The following CIP2A variants were observed in gnomAD, a reference collection of about 807,000 sequenced individuals.
CIP2A encodes protein CIP2A.
CIP2A carries 103 observed loss-of-function variants against 110.9 expected under a neutral mutation model. That is an observed-to-expected ratio of 0.93 (90% confidence interval 0.79 to 1.09). CIP2A has a LOEUF of 1.09. CIP2A is among the 50% of genes least tolerant of loss of function. The pLI is 0.00. For synonymous variants in CIP2A, 381 were observed against 361.6 expected (o/e 1.05, Z -0.61); for missense variants, 1,088 against 1,038.4 (o/e 1.05, Z -0.66).
In CIP2A at chr3:108,560,820, T is replaced by C. The variant is rs757644791; in HGVS notation, c.1656A>G (p.Ala552=). ...PALVLGESIA[A]NNAYRQQETE... is the part of the protein sequence containing the mutation. ...TTTCCTGTTGTCTATAGGCATTGTT[T>C]GCTGCTATACTTTCTCCAAGTCTGA... is the stretch of plus-strand genomic sequence containing the variant. The change falls in exon 14 of 21, where the codon GCA becomes GCG. Residue 552 remains alanine, a synonymous_variant. Transcript: ENST00000295746. The C allele has an allele frequency of 6.2e-7, 1 of 1,603,968 alleles. No individual in the cohort carries two copies. Among genetic ancestry groups the C allele is most frequent in the Non-Finnish European group, 8.5e-7 (1 of 1,175,870 alleles).
At chr3:108,576,957 T>C (rs1010373957) in intron 7 of CIP2A, among the ~76,000 whole-genome samples, 1 of 152,126 alleles carries the variant, frequency 6.6e-6, no homozygotes, top group African/African-American at 2.4e-5. Context: ...AATGCTATAA[T>C]GGAGGAATGT....
In CIP2A at chr3:108,566,498, A is replaced by C; in HGVS notation, c.1414T>G (p.Cys472Gly). The stretch of plus-strand genomic sequence containing the variant: ...TGTCATTAGAGTTTATATACTCACC[A>C]TAATTCAGAATCTGCAACCTTTGTT... Reference protein sequence around the residue: ...FGTKVADSELCKLAADVILKT... With the variant: ...FGTKVADSELGKLAADVILKT... The change falls in exon 11 of 21, where the codon TGC becomes GGC. Residue 472 changes from cysteine (C) to glycine (G), a missense_variant and splice_region_variant. Coordinates refer to ENST00000295746, the MANE Select transcript of CIP2A (RefSeq NM_020890.3). 1 of 1,606,356 alleles carries C rather than the reference A, an allele frequency of 6.2e-7. No homozygotes were observed. Among genetic ancestry groups the C allele is most frequent in the Non-Finnish European group, 8.5e-7 (1 of 1,176,344 alleles).
At chr3:108,577,099 T>C (rs1378441645) in intron 7 of CIP2A, among the ~76,000 whole-genome samples, 1 of 152,086 alleles carries the variant, frequency 6.6e-6, no homozygotes, top group Non-Finnish European at 1.5e-5. Flanking sequence ...CTAGAGGAAA[T>C]AGCACATGGA....
At position 108,579,595 on chromosome 3, in the gene CIP2A, A is replaced by G; in HGVS notation, c.643T>C (p.Leu215=). Residue 215 remains leucine (L), a synonymous_variant, in exon 6 of 21, where the codon TTG becomes CTG. Transcript: ENST00000295746. ...VVFALSILSS[L]TLNEEVGEKL... ...TCCCCCACCTCTTCATTTAATGTCA[A>G]ACTGGATAATATTGAAAGTGCAAAC... The G allele has an allele frequency of 6.3e-7, 1 of 1,597,738 alleles. No homozygotes were observed. Among genetic ancestry groups the G allele is most frequent in the Non-Finnish European group, 8.6e-7 (1 of 1,169,456 alleles).
rs1938181648 is a variant in CIP2A, at chr3:108,566,388, T to C, written c.1415+109A>G. The stretch of plus-strand genomic sequence containing the variant: ...TTATGAAAATATGTTTGTTAATCTG[T>C]TATATCTTAAGTTATAACCAAAGGA... On this transcript the variant is annotated intron_variant, in intron 11 of 20. Transcript: ENST00000295746. 4 of 789,096 alleles carry C rather than the reference T, an allele frequency of 5.1e-6. No individual in the cohort carries two copies. In the South Asian group the frequency reaches 7.5e-5, roughly 15 times the overall value. 48.9% of individuals were successfully genotyped at this position (789,096 alleles called of 1,614,324 possible).
chr3:108,578,283 G>T (rs1187938061), intron 7 of CIP2A, among the ~76,000 whole-genome samples: 1 of 152,136 alleles, frequency 6.6e-6, no homozygotes, highest in Admixed American at 6.6e-5. Flanking sequence ...AGCACTATCT[G>T]GTGGGTAGAA....
intron 13 of CIP2A, among the ~76,000 whole-genome samples, chr3:108,561,333 T>A (rs1937999413): frequency 6.6e-6 from 1 of 152,050 alleles, no homozygotes; most frequent in Non-Finnish European, 1.5e-5. Flanking sequence ...AAACAAAATA[T>A]TTTTTTCACT....
chr3:108,553,812 G>T (rs1937676494), intron 18 of CIP2A, 82 bp from the exon 19 acceptor site: 2 of 1,147,476 alleles, frequency 1.7e-6, no homozygotes, highest in Non-Finnish European at 2.4e-6. Flanking sequence ...AAGCACTTTG[G>T]GAGGCCAAGG....
Position 108,582,210 on chromosome 3 carries a change from T to A in CIP2A, c.358-8A>T. The A allele has an allele frequency of 8.6e-7, 1 of 1,165,154 alleles. No individual in the cohort carries two copies. Among genetic ancestry groups the A allele is most frequent in the Non-Finnish European group, 1.2e-6 (1 of 804,878 alleles). The allele number at this position is 1,165,154 out of a possible 1,614,324, so 72.2% of individuals were successfully genotyped here. On this transcript the variant is annotated splice_region_variant and splice_polypyrimidine_tract_variant and intron_variant, in intron 3 of 20. Coordinates refer to ENST00000295746, the MANE Select transcript of CIP2A (RefSeq NM_020890.3). ...CTGTAGAAGTTGAATGCACTGAGAA[T>A]AAGAAAATAGTTATAAATATAAAGA...
intron 7 of CIP2A, among the ~76,000 whole-genome samples, chr3:108,577,381 G>T (rs1376087129): frequency 2.6e-5 from 4 of 152,162 alleles, no homozygotes; most frequent in Non-Finnish European, 5.9e-5. Context: ...AGGAGCAACT[G>T]CTTCAGAAAA....
intron 7 of CIP2A, among the ~76,000 whole-genome samples, chr3:108,577,359 C>T (rs1373876382): frequency 1.3e-5 from 2 of 151,960 alleles, no homozygotes; most frequent in East Asian, 1.9e-4. Flanking sequence ...GAATAGGAGG[C>T]CCCGAAGAGA....
chr3:108,575,710 T>A (rs1230419391), intron 8 of CIP2A, among the ~76,000 whole-genome samples: 4 of 42,474 alleles, frequency 9.4e-5, no homozygotes, highest in African/African-American at 4.1e-4. Flanking sequence ...GTATATATAC[T>A]CATATACATG....
chr3:108,582,349 C>G (rs1938911545), intron 3 of CIP2A, 147 bp from the exon 4 acceptor site: 1 of 415,524 alleles, frequency 2.4e-6, no homozygotes, highest in African/African-American at 2.1e-5. Flanking sequence ...ATGTAAGAAC[C>G]TTAGGGCTCT....
chr3:108,553,622 A>G (rs1229798851), intron 19 of CIP2A, 26 bp downstream of exon 19: 21 of 1,535,348 alleles, frequency 1.4e-5, no homozygotes, highest in Non-Finnish European at 1.8e-5. Context: ...AAAAATAGAA[A>G]ATGTATTAAA....
Position 108,549,993 on chromosome 3 carries a change from T to G in CIP2A, c.*1156A>C, listed in dbSNP as rs969406597. The G allele has an allele frequency of 1.4e-4, 22 of 152,020 alleles. No homozygotes were observed. The highest frequency in any genetic ancestry group is 2.7e-4 in the Non-Finnish European group (18 of 67,912). 9.4% of individuals were successfully genotyped at this position (152,020 alleles called of 1,614,324 possible). On this transcript the variant is annotated 3_prime_UTR_variant, in exon 21 of 21. Coordinates refer to ENST00000295746, the MANE Select transcript of CIP2A (RefSeq NM_020890.3). ...CTCCTCTATAGAACAAATAGTAATT[T>G]AAAATGTTTTACTCTGCATAATATT...
intron 1 of CIP2A, among the ~76,000 whole-genome samples, chr3:108,587,900 G>A (rs1939121931): frequency 6.6e-6 from 1 of 152,034 alleles, no homozygotes; most frequent in Non-Finnish European, 1.5e-5. Context: ...TCCAGCCTCA[G>A]CCTCCCGAGT....
chr3:108,572,283 A>G (rs899141520), intron 8 of CIP2A, among the ~76,000 whole-genome samples: 5 of 151,954 alleles, frequency 3.3e-5, no homozygotes, highest in African/African-American at 1.2e-4. Context: ...GGCCATGAAG[A>G]TACTCTTTAG....
chr3:108,565,330 C>A, intron 12 of CIP2A, 25 bp downstream of exon 12: 4 of 1,163,982 alleles, frequency 3.4e-6, no homozygotes, highest in Non-Finnish European at 5.0e-6. Flanking sequence ...GAATAAACTT[C>A]AATGTTTGAA....
rs750745831 is a variant in CIP2A at position 108,563,207 on chromosome 3, G to A, written c.1553C>T (p.Thr518Met). ...CTGTACTTGTTCTCTATTATCTGAC[G>A]TTAAAGCAAAAGCCAAAGGAGTAAT... Reference protein sequence around the residue: ...RLITPLAFALTSDNREQVQSG... With the variant: ...RLITPLAFALMSDNREQVQSG... Residue 518 changes from threonine to methionine, a missense_variant, in exon 13 of 21, where the codon ACG (threonine) becomes ATG (methionine). Thr to Met is a moderately conservative substitution (Grantham distance 81). Transcript: ENST00000295746. 11 of 1,612,428 alleles carry A rather than the reference G, an allele frequency of 6.8e-6. No homozygotes were observed. In the South Asian group the frequency reaches 7.7e-5, roughly 11 times the overall value.
Sources: gnomAD v4.1 joint callset for allele counts (sites outside exome capture counted in the v4.1 genomes callset) on GRCh38, gnomAD v4.1.1 for gene constraint, MANE v1.5 for transcripts, NCBI Gene and HGNC (gene_info 2026-07-23, HGNC 2026-07-21) for gene names.